Variants in PDE11A observed in about 807,000 individuals in gnomAD.
PDE11A encodes dual 3',5'-cyclic-AMP and -GMP phosphodiesterase 11A.
Under a neutral mutation model 100.5 loss-of-function variants are expected in PDE11A, and 100 were observed. The ratio of observed to expected loss-of-function variants is 1.00; its 90% confidence interval spans 0.85 to 1.18. PDE11A has a LOEUF of 1.18. Ranked by LOEUF, PDE11A falls within the 50% of genes most tolerant of loss-of-function variation. The pLI is 0.00. For synonymous variants in PDE11A, 381 were observed against 420.8 expected, an observed-to-expected ratio of 0.91 and a Z score of 1.16; for missense variants, 1,141 against 1,152.6, an observed-to-expected ratio of 0.99 and a Z score of 0.15.
intron 19 of PDE11A, among the ~76,000 whole-genome samples, chr2:177,632,837 A>G (rs1221814810): frequency 2.0e-5 from 3 of 152,028 alleles, no homozygotes; most frequent in African/African-American, 4.8e-5. Context: ...ACTCCTTTTC[A>G]TCTCAAAGGG....
At chr2:177,877,943 T>C (rs1306906144) in intron 4 of PDE11A, among the ~76,000 whole-genome samples, 2 of 152,136 alleles carry the variant, frequency 1.3e-5, no homozygotes, top group African/African-American at 4.8e-5. Flanking sequence ...ATTAACCACT[T>C]ACAAGGAATT....
intron 2 of PDE11A, among the ~76,000 whole-genome samples, chr2:178,094,154 C>T (rs1347844228): frequency 2.6e-5 from 4 of 151,746 alleles, no homozygotes; most frequent in Non-Finnish European, 4.4e-5. Context: ...ACTGAAAATA[C>T]ACACAATACA....
At chr2:177,836,447 A>T (rs2083401308) in intron 6 of PDE11A, among the ~76,000 whole-genome samples, 1 of 152,216 alleles carries the variant, frequency 6.6e-6, no homozygotes, top group African/African-American at 2.4e-5. Context: ...TTTTGTGTCT[A>T]TCTTGGGGAT....
intron 2 of PDE11A, among the ~76,000 whole-genome samples, chr2:177,909,638 A>T (rs2084846657): frequency 6.6e-6 from 1 of 152,138 alleles, no homozygotes; most frequent in African/African-American, 2.4e-5. Flanking sequence ...TATTGTTATT[A>T]TTAATGTTTG....
intron 1 of PDE11A, among the ~76,000 whole-genome samples, chr2:178,051,800 C>G (rs1217605895): frequency 6.6e-6 from 1 of 152,174 alleles, no homozygotes; most frequent in African/African-American, 2.4e-5. Flanking sequence ...ATCAATTCAA[C>G]AAGAAGAGCT....
chr2:177,982,074 C>T (rs542654882), intron 2 of PDE11A, among the ~76,000 whole-genome samples: 2 of 151,100 alleles, frequency 1.3e-5, no homozygotes, highest in African/African-American at 4.8e-5. Flanking sequence ...GTGTGCTAAT[C>T]GTCTAACAAC....
chr2:178,048,057 G>A (rs16866032), intron 1 of PDE11A, among the ~76,000 whole-genome samples: 15,239 of 152,188 alleles, frequency 0.1, 787 homozygotes, highest in Middle Eastern at 0.15. Context: ...AACATTCTAC[G>A]TGAGAAATGG....
intron 2 of PDE11A, among the ~76,000 whole-genome samples, chr2:178,008,632 T>C (rs2086240263): frequency 6.6e-6 from 1 of 152,158 alleles, no homozygotes; most frequent in Non-Finnish European, 1.5e-5. Context: ...GCTAGGAGTT[T>C]ATAAAATTTT....
rs7584732 is a variant in PDE11A at position 177,724,563 on chromosome 2, G to C, written c.2043+3095C>G. 8.5e-3 allele frequency among the ~76,000 whole-genome samples: 1,296 copies of C among 152,104 alleles called. 21 individuals carry two copies. Among genetic ancestry groups the C allele is most frequent in the African/African-American group, 0.03 (1,226 of 41,496 alleles). ...CATTTCCCCATTCCCAGAGACAATA[G>C]GCTTGGAAAAATACACAATCACAGA... On this transcript the variant is annotated intron_variant, in intron 12 of 19. Transcript: ENST00000286063.
At chr2:177,660,061 T>TTCTTTCTCTCTTTCCTTCTTTC (rs2080454722) in intron 19 of PDE11A, among the ~76,000 whole-genome samples, 2 of 42,602 alleles carry the variant, frequency 4.7e-5, no homozygotes. Flanking sequence ...CTTTCTTTCT[T>TTCTTTCTCTCTTTCCTTCTTTC]TCTTTCTTTC....
At chr2:177,778,109 C>T (rs149231222) in intron 9 of PDE11A, among the ~76,000 whole-genome samples, 9 of 152,304 alleles carry the variant, frequency 5.9e-5, no homozygotes, top group Middle Eastern at 3.4e-3. Flanking sequence ...AAAGAAGTCA[C>T]GTTTTTGTGT....
At chr2:178,078,750 T>C (rs1282917385) in intron 2 of PDE11A, among the ~76,000 whole-genome samples, 2 of 152,216 alleles carry the variant, frequency 1.3e-5, no homozygotes, top group Non-Finnish European at 2.9e-5. Context: ...GATTCGAACT[T>C]AGTAGAATAT....
At chr2:178,039,124 T>C (rs905282116) in intron 1 of PDE11A, 3 of 152,152 alleles carry the variant, frequency 2.0e-5, no homozygotes, top group Non-Finnish European at 4.4e-5. Flanking sequence ...TCAATGTTTT[T>C]GCAGGACATG....
intron 1 of PDE11A, among the ~76,000 whole-genome samples, chr2:178,042,234 C>T (rs1311446905): frequency 6.6e-6 from 1 of 152,148 alleles, no homozygotes; most frequent in Non-Finnish European, 1.5e-5. Flanking sequence ...AAACCCAACA[C>T]TTTGGAAGGC....
At chr2:178,063,316 G>A (rs554232737) in intron 1 of PDE11A, among the ~76,000 whole-genome samples, 80 of 152,260 alleles carry the variant, frequency 5.3e-4, no homozygotes, top group African/African-American at 1.9e-3. Context: ...GTGTTTCAGG[G>A]ATTATGTATG....
Position 177,670,442 on chromosome 2 carries a change from A to G in PDE11A, c.2488-875T>C, listed in dbSNP as rs557242913. 1.2e-4 allele frequency among the ~76,000 whole-genome samples: 18 copies of G among 152,040 alleles called. No individual in the cohort carries two copies. In the East Asian group the frequency reaches 3.1e-3, roughly 26 times the overall value. On this transcript the variant is annotated intron_variant, in intron 17 of 19. Transcript: ENST00000286063. ...GATAGTGTGTGGGAAGCAAATTGAT[A>G]TGACAGATTAAATGTTGAATGGCTA...
chr2:177,903,617 C>A (rs1334691224), intron 3 of PDE11A, among the ~76,000 whole-genome samples: 1 of 152,088 alleles, frequency 6.6e-6, no homozygotes, highest in East Asian at 1.9e-4. Context: ...GAGAGGCGGG[C>A]CCTCCTCAAA....
chr2:177,732,946 AGGTTCT>A (rs1156438024), intron 10 of PDE11A, among the ~76,000 whole-genome samples: 15 of 152,218 alleles, frequency 9.9e-5, no homozygotes, highest in Admixed American at 9.8e-4. Flanking sequence ...GTTCAAGGGC[AGGTTCT>A]GGAGAAAACT....
chr2:177,931,714 A>C (rs1051899027), intron 2 of PDE11A, among the ~76,000 whole-genome samples: 5 of 152,114 alleles, frequency 3.3e-5, no homozygotes, highest in Non-Finnish European at 7.4e-5. Flanking sequence ...ATCTCAAATT[A>C]ACGATCTGAC....
Sources: allele counts gnomAD v4.1 joint callset (sites outside exome capture counted in the v4.1 genomes callset), GRCh38; gene constraint gnomAD v4.1.1; transcripts MANE v1.5; gene names NCBI Gene and HGNC (gene_info 2026-07-23, HGNC 2026-07-21).